The following ABL2 variants were observed in gnomAD, a reference collection of about 807,000 sequenced individuals.
ABL2 encodes the protein ABL proto-oncogene 2, non-receptor tyrosine kinase.
ABL2 carries 49 observed loss-of-function variants against 107.7 expected under a neutral mutation model. The observed-to-expected ratio is 0.45, with a 90% CI of 0.36 to 0.58. ABL2 has a LOEUF of 0.58. Ranked by LOEUF, ABL2 falls within the 20% of genes least tolerant of loss-of-function variation. ABL2 has a pLI of 0.00. For missense variants in ABL2, 1,245 were observed against 1,457.0 expected, an observed-to-expected ratio of 0.85 and a Z score of 2.37; for synonymous variants, 549 against 548.6, an observed-to-expected ratio of 1.00 and a Z score of -0.01.
chr1:179,207,745 T>G (rs1662056591), intron 1 of ABL2, among the ~76,000 whole-genome samples: 1 of 152,172 alleles, frequency 6.6e-6, no homozygotes, highest in Admixed American at 6.5e-5. Flanking sequence ...GTAAATTTTT[T>G]TATACCTATG....
rs368424523 is a variant in ABL2, at chr1:179,182,623, T to C, written c.157+46618A>G. ...GATTTCATTCATTTTTATAGCTGAA[T>C]AGTATTCCATTGTATACAGATATCA... On this transcript the variant is annotated intron_variant, in intron 1 of 11. Transcript: ENST00000502732. 5.3e-5 allele frequency among the ~76,000 whole-genome samples: 8 copies of C among 152,376 alleles called. No individual in the cohort carries two copies. The East Asian group carries it at 1.3e-3, about 26-fold the overall frequency.
In ABL2 at chr1:179,126,929, T is replaced by C. The variant is rs564465473; in HGVS notation, c.392-257A>G. 4.6e-5 allele frequency among the ~76,000 whole-genome samples: 7 copies of C among 152,176 alleles called. No individual in the cohort carries two copies. The highest frequency in any genetic ancestry group is 8.8e-5 in the Non-Finnish European group (6 of 68,046). Reference sequence around the variant, plus strand: ...TTTACTACAGGGTTTTAAAAGTCTATATACAACTTAAAAAATATCCTTAAG... The same window carrying C: ...TTTACTACAGGGTTTTAAAAGTCTACATACAACTTAAAAAATATCCTTAAG... On this transcript the variant is annotated intron_variant, in intron 3 of 11. Transcript: ENST00000502732. This position sits in a 1 kb window ranked among gnomAD's most constrained non-coding sequence, Gnocchi z 4.4.
At chr1:179,193,645 A>C (rs1253124660) in intron 1 of ABL2, among the ~76,000 whole-genome samples, 1 of 152,108 alleles carries the variant, frequency 6.6e-6, no homozygotes, top group African/African-American at 2.4e-5. Context: ...ACCTCAAGTG[A>C]TCCACCCTCC....
At chr1:179,194,089 T>C (rs1188497339) in intron 1 of ABL2, among the ~76,000 whole-genome samples, 2 of 152,332 alleles carry the variant, frequency 1.3e-5, no homozygotes, top group Non-Finnish European at 1.5e-5. Context: ...AATTCACTTT[T>C]TTATAATCTC....
chr1:179,174,920 A>AAAAAATAAT (rs1659958398), intron 1 of ABL2, among the ~76,000 whole-genome samples: 12 of 122,870 alleles, frequency 9.8e-5, no homozygotes, highest in Non-Finnish European at 1.3e-4. Flanking sequence ...AAAATAAAAA[A>AAAAAATAAT]AATAATAATA....
chr1:179,141,189 G>A (rs1657555488), intron 1 of ABL2, among the ~76,000 whole-genome samples: 1 of 151,840 alleles, frequency 6.6e-6, no homozygotes. Flanking sequence ...AGCTACCCAG[G>A]AAGCTGAGGT....
In ABL2 at chr1:179,103,811, T is replaced by C. The variant is rs1653297011; in HGVS notation, c.*3907A>G. ...CCCCACAACCATAAAGTCAAGAGAC[T>C]TGAATTCTAGCCTTGGCTCCGCCAC... On this transcript the variant is annotated 3_prime_UTR_variant, in exon 12 of 12. Transcript: ENST00000502732. 2 of 230,398 alleles carry C rather than the reference T, an allele frequency of 8.7e-6. No individual in the cohort carries two copies. The allele number at this position is 230,398 out of a possible 1,614,324, so 14.3% of individuals were successfully genotyped here.
In ABL2 at chr1:179,129,656, T is replaced by C. The variant is rs200746188; in HGVS notation, c.391+1655A>G. Among the ~76,000 whole-genome samples, 14 of 147,208 alleles carry C rather than the reference T, an allele frequency of 9.5e-5. No individual in the cohort carries two copies. In the East Asian group the frequency reaches 2.8e-3, roughly 29 times the overall value. On this transcript the variant is annotated intron_variant, in intron 3 of 11. Coordinates refer to ENST00000502732, the MANE Select transcript of ABL2 (RefSeq NM_007314.4). ...GAGACTGTGCCACTGCACTCCAGCC[T>C]GGGTGACAGAGCGAGACTCTGTCTC...
chr1:179,200,957 G>C (rs1242995337), intron 1 of ABL2, among the ~76,000 whole-genome samples: 1 of 152,122 alleles, frequency 6.6e-6, no homozygotes, highest in Admixed American at 6.5e-5. Context: ...TTCTTCTTAG[G>C]GGGTGATCAC....
chr1:179,129,051 T>C (rs1298461870), intron 3 of ABL2, among the ~76,000 whole-genome samples: 1 of 152,218 alleles, frequency 6.6e-6, no homozygotes, highest in Non-Finnish European at 1.5e-5. Flanking sequence ...AAGTGTTGCT[T>C]TATTTTTTAA....
chr1:179,219,351 G>A (rs1662751296), intron 1 of ABL2, among the ~76,000 whole-genome samples: 2 of 151,980 alleles, frequency 1.3e-5, no homozygotes. Context: ...GCCTAAACAA[G>A]CCTTTAAGAA....
At chr1:179,189,650 C>T (rs1253854682) in intron 1 of ABL2, among the ~76,000 whole-genome samples, 1 of 151,956 alleles carries the variant, frequency 6.6e-6, no homozygotes, top group Non-Finnish European at 1.5e-5. Flanking sequence ...AAAACAAAAC[C>T]CCAAAGTGTT....
At position 179,104,396 on chromosome 1, in the gene ABL2, A is replaced by G. The variant is rs1653339458; in HGVS notation, c.*3322T>C. 4.5e-6 allele frequency: 1 copy of G among 221,014 alleles called. No individual in the cohort carries two copies. Among genetic ancestry groups the G allele is most frequent in the Non-Finnish European group, 9.1e-6 (1 of 110,464 alleles). The allele number at this position is 221,014 out of a possible 1,614,324, so 13.7% of individuals were successfully genotyped here. ...AAATGGGCAGTGCCTTAGCAAAGTCAGCATGCTTTATTACCTGGGACATAT... is the reference window on the plus strand; with the variant it reads ...AAATGGGCAGTGCCTTAGCAAAGTCGGCATGCTTTATTACCTGGGACATAT... On this transcript the variant is annotated 3_prime_UTR_variant, in exon 12 of 12. Transcript: ENST00000502732.
At chr1:179,168,629 T>C (rs1659532406) in intron 1 of ABL2, among the ~76,000 whole-genome samples, 1 of 152,210 alleles carries the variant, frequency 6.6e-6, no homozygotes, top group South Asian at 2.1e-4. Context: ...CTATTTTCTT[T>C]TTGTGTACAG....
At chr1:179,136,358 T>G (rs1485418024) in intron 1 of ABL2, among the ~76,000 whole-genome samples, 1 of 152,114 alleles carries the variant, frequency 6.6e-6, no homozygotes, top group Non-Finnish European at 1.5e-5. Context: ...CATTTTGTTC[T>G]GTACTAAGAA....
At chr1:179,214,888 A>T (rs1324669481) in intron 1 of ABL2, among the ~76,000 whole-genome samples, 1 of 152,152 alleles carries the variant, frequency 6.6e-6, no homozygotes, top group Non-Finnish European at 1.5e-5. Flanking sequence ...GGTCGGGCAC[A>T]GTAGCCCATG....
At chr1:179,115,283 A>T (rs1441652983) in intron 8 of ABL2, among the ~76,000 whole-genome samples, 1 of 152,200 alleles carries the variant, frequency 6.6e-6, no homozygotes, top group Admixed American at 6.5e-5. Flanking sequence ...CCTTTACTGT[A>T]ATGAGGGAAA....
chr1:179,191,973 T>C (rs1360699083), intron 1 of ABL2, among the ~76,000 whole-genome samples: 2 of 152,236 alleles, frequency 1.3e-5, no homozygotes, highest in East Asian at 3.8e-4. Flanking sequence ...CCTTTGCTTT[T>C]ATATTCTCTT....
intron 1 of ABL2, among the ~76,000 whole-genome samples, chr1:179,228,207 C>A (rs1663337841): frequency 1.3e-5 from 2 of 149,566 alleles, no homozygotes; most frequent in Non-Finnish European, 3.0e-5. Context: ...ATTAGCCGGG[C>A]GTGGTGGTGC....
Sources: allele counts gnomAD v4.1 joint callset (sites outside exome capture counted in the v4.1 genomes callset), GRCh38; gene constraint gnomAD v4.1.1; non-coding constraint Gnocchi (gnomAD v3.1); transcripts MANE v1.5; gene names NCBI Gene and HGNC (gene_info 2026-07-23, HGNC 2026-07-21).